Variants in SPPL3 observed in about 807,000 individuals in gnomAD.
SPPL3 encodes signal peptide peptidase like 3.
In SPPL3, 5 loss-of-function variants were observed where a neutral mutation model predicts 42.4. That is an observed-to-expected ratio of 0.12 (90% CI 0.06 to 0.25). The LOEUF (loss-of-function observed/expected upper bound fraction) is 0.25. SPPL3 is among the 10% of genes least tolerant of loss of function. The pLI is 1.00. For missense variants in SPPL3, 235 were observed against 489.0 expected (o/e 0.48, Z 4.90); for synonymous variants, 195 against 181.8 (o/e 1.07, Z -0.58).
intron 1 of SPPL3, among the ~76,000 whole-genome samples, chr12:120,895,638 C>T (rs965440497): frequency 6.6e-6 from 1 of 152,224 alleles, no homozygotes; most frequent in Admixed American, 6.5e-5. Context: ...TAGTGAGGAA[C>T]TCTATCTGGA....
intron 6 of SPPL3, 34 bp from the exon 7 acceptor site, chr12:120,769,093 C>T: frequency 6.6e-7 from 1 of 1,514,298 alleles, no homozygotes; most frequent in Non-Finnish European, 9.1e-7. Flanking sequence ...AGACAGCAGT[C>T]AGTGTGGACT....
At chr12:120,772,975 A>C (rs901413898) in intron 6 of SPPL3, among the ~76,000 whole-genome samples, 3 of 152,234 alleles carry the variant, frequency 2.0e-5, no homozygotes, top group African/African-American at 7.2e-5. Context: ...GGTCTCCTTT[A>C]ATTTTTAAAT....
rs75777992 is a variant in SPPL3 at position 120,860,689 on chromosome 12, C to T, written c.23+43156G>A. On this transcript the variant is annotated intron_variant, in intron 1 of 10. Coordinates refer to ENST00000353487, the MANE Select transcript of SPPL3 (RefSeq NM_139015.5). ...TTATACACACGCACAAAAGTTTGTT[C>T]GTGACAAATTGGAGGGAGAGAGGAA... Among the ~76,000 whole-genome samples, 700 of 152,024 alleles carry T rather than the reference C, an allele frequency of 4.6e-3. 36 individuals carry two copies. In the East Asian group the frequency reaches 0.1, roughly 23 times the overall value.
chr12:120,900,070 A>G (rs1327195629), intron 1 of SPPL3, among the ~76,000 whole-genome samples: 2 of 152,104 alleles, frequency 1.3e-5, no homozygotes, highest in Non-Finnish European at 2.9e-5. Context: ...TTATTCTGAA[A>G]AATTTAAACA....
chr12:120,851,024 G>T (rs987464776), intron 1 of SPPL3, among the ~76,000 whole-genome samples: 2 of 152,172 alleles, frequency 1.3e-5, no homozygotes, highest in African/African-American at 4.8e-5. Context: ...AGGTTCTAGA[G>T]ATTAGGACAT....
chr12:120,815,546 T>A (rs534618405), intron 1 of SPPL3, among the ~76,000 whole-genome samples: 1 of 152,240 alleles, frequency 6.6e-6, no homozygotes, highest in Non-Finnish European at 1.5e-5. Flanking sequence ...TGTTTTTGTA[T>A]CCTTTGTATT....
chr12:120,769,117 C>A, intron 6 of SPPL3, 58 bp from the exon 7 acceptor site: 1 of 1,368,132 alleles, frequency 7.3e-7, no homozygotes. Flanking sequence ...GGCTCATCCT[C>A]TTTCCACAAG....
intron 1 of SPPL3, among the ~76,000 whole-genome samples, chr12:120,818,721 A>G (rs983616483): frequency 5.9e-5 from 9 of 152,356 alleles, no homozygotes; most frequent in East Asian, 5.8e-4. Flanking sequence ...TTGTGGTTGC[A>G]GAACAATTTA....
intron 10 of SPPL3, 64 bp from the exon 11 acceptor site, chr12:120,765,134 C>A: frequency 1.3e-6 from 2 of 1,497,990 alleles, no homozygotes; most frequent in Non-Finnish European, 1.8e-6. Context: ...CTGTCTGATT[C>A]TTTAAAAAAA....
intron 5 of SPPL3, 88 bp from the exon 6 acceptor site, chr12:120,782,855 G>T: frequency 1.1e-6 from 1 of 943,612 alleles, no homozygotes; most frequent in Non-Finnish European, 1.7e-6. Flanking sequence ...GGCTGGATTA[G>T]AATAGCAGAT....
intron 1 of SPPL3, among the ~76,000 whole-genome samples, chr12:120,823,888 T>TG (rs902694412): frequency 4.6e-5 from 7 of 152,114 alleles, no homozygotes; most frequent in African/African-American, 1.4e-4. Context: ...TTTTTTTTTT[T>TG]GAGACGGAGT....
chr12:120,853,238 T>C (rs1213619931), intron 1 of SPPL3, among the ~76,000 whole-genome samples: 1 of 152,164 alleles, frequency 6.6e-6, no homozygotes, highest in Non-Finnish European at 1.5e-5. Flanking sequence ...GCTCATCCAC[T>C]TTTTTTCCTA....
At chr12:120,881,605 C>A (rs1873288302) in intron 1 of SPPL3, among the ~76,000 whole-genome samples, 1 of 149,234 alleles carries the variant, frequency 6.7e-6, no homozygotes, top group Non-Finnish European at 1.5e-5. Context: ...ATTTGTACAC[C>A]AATATTCATT....
At chr12:120,860,236 T>C (rs1872585481) in intron 1 of SPPL3, among the ~76,000 whole-genome samples, 1 of 151,998 alleles carries the variant, frequency 6.6e-6, no homozygotes, top group South Asian at 2.1e-4. Context: ...CTGAGTAGGG[T>C]CTTTAAGGCA....
In SPPL3 at chr12:120,885,335, A is replaced by G. The variant is rs144043761; in HGVS notation, c.23+18510T>C. 3.9e-5 allele frequency among the ~76,000 whole-genome samples: 6 copies of G among 152,350 alleles called. No individual in the cohort carries two copies. The East Asian group carries it at 9.6e-4, about 24-fold the overall frequency. On this transcript the variant is annotated intron_variant, in intron 1 of 10. Transcript: ENST00000353487. ...TAATTGTGCACGGGACCTACAACAC[A>G]TAAGTATTTCACATGGCCTTCAAAT... is the stretch of plus-strand genomic sequence containing the variant.
intron 5 of SPPL3, among the ~76,000 whole-genome samples, chr12:120,783,450 A>G (rs1374987432): frequency 6.6e-6 from 1 of 152,240 alleles, no homozygotes; most frequent in African/African-American, 2.4e-5. Context: ...GCACATTACA[A>G]TGACTCAGAC....
At chr12:120,852,720 T>A (rs61946364) in intron 1 of SPPL3, among the ~76,000 whole-genome samples, 28,429 of 35,272 alleles carry the variant, frequency 0.81, 12,809 homozygotes, top group East Asian at 0.93. Context: ...GAAATATATT[T>A]TATATATAAT....
intron 1 of SPPL3, among the ~76,000 whole-genome samples, chr12:120,829,153 GATC>G (rs1203124013): frequency 3.9e-5 from 6 of 152,196 alleles, no homozygotes; most frequent in Non-Finnish European, 7.3e-5. Context: ...TGCAAAAACA[GATC>G]ATAAGCTTAA....
chr12:120,889,809 G>A (rs1025906216), intron 1 of SPPL3, among the ~76,000 whole-genome samples: 1 of 152,092 alleles, frequency 6.6e-6, no homozygotes, highest in Non-Finnish European at 1.5e-5. Context: ...ATGAAGGTAG[G>A]TCCAGCCTAA....
Sources: allele counts gnomAD v4.1 joint callset (sites outside exome capture counted in the v4.1 genomes callset), GRCh38; gene constraint gnomAD v4.1.1; transcripts MANE v1.5; gene names NCBI Gene and HGNC (gene_info 2026-07-23, HGNC 2026-07-21).